SNX1: variants seen among roughly 807,000 people sequenced by gnomAD.
SNX1 encodes sorting nexin-1.
A neutral mutation model predicts 71.8 loss-of-function variants in SNX1; 36 were observed. The ratio of observed to expected loss-of-function variants is 0.50; its 90% CI spans 0.38 to 0.66. The LOEUF (loss-of-function observed/expected upper bound fraction) is 0.66, where lower values mean the gene tolerates loss of function less well. SNX1 is among the 30% of genes least tolerant of loss of function. SNX1 has a pLI of 0.00. For synonymous variants in SNX1, 254 were observed against 240.7 expected (o/e 1.06, Z -0.51); for missense variants, 612 against 646.7 (o/e 0.95, Z 0.58).
intron 1 of SNX1, among the ~76,000 whole-genome samples, chr15:64,104,163 C>G (rs1297390737): frequency 2.0e-5 from 3 of 151,858 alleles, no homozygotes; most frequent in Non-Finnish European, 4.4e-5. Context: ...AATACATAAA[C>G]TCATTAATTT....
At chr15:64,122,523 A>C (rs1253323984) in intron 4 of SNX1, among the ~76,000 whole-genome samples, 1 of 152,156 alleles carries the variant, frequency 6.6e-6, no homozygotes, top group Non-Finnish European at 1.5e-5. Flanking sequence ...TCTTACTGAA[A>C]CCAAGTTGTA....
chr15:64,111,807 C>T (rs569338258), intron 1 of SNX1, among the ~76,000 whole-genome samples: 7 of 152,276 alleles, frequency 4.6e-5, no homozygotes, highest in South Asian at 2.1e-4. Flanking sequence ...CCATGGCTTT[C>T]GAAGCCACAT....
Position 64,134,712 on chromosome 15 carries a change from C to T in SNX1, c.1270C>T (p.Gln424Ter). 6.2e-7 allele frequency: 1 copy of T among 1,613,364 alleles called. No homozygotes were observed. The highest frequency in any genetic ancestry group is 8.5e-7 in the Non-Finnish European group (1 of 1,179,988). Residue 424 changes from glutamine to a stop codon, truncating the protein, a stop_gained, in exon 12 of 15, where the codon CAA becomes TAA. Transcript: ENST00000559844. LOFTEE classifies it high-confidence loss of function. This position sits in a 1 kb window ranked among gnomAD's most constrained non-coding sequence, Gnocchi z 4.1. Reference protein sequence around the residue: ...MKTWQRWQDAQATLQKKREAE... With the variant: ...MKTWQRWQDA ...GACATGGCAGCGCTGGCAGGATGCC[C>T]AAGCCACACTGCAGAAGAAGCGGGA...
chr15:64,122,926 C>A (rs573334550), intron 4 of SNX1, among the ~76,000 whole-genome samples: 2 of 151,978 alleles, frequency 1.3e-5, no homozygotes, highest in Non-Finnish European at 2.9e-5. Flanking sequence ...CATTAGGCAG[C>A]CAAAGTGTCT....
Position 64,137,852 on chromosome 15 carries a change from G to A in SNX1, c.*234G>A. The A allele has an allele frequency of 7.1e-7, 1 of 1,409,218 alleles. No homozygotes were observed. Among genetic ancestry groups the A allele is most frequent in the South Asian group, 1.7e-5 (1 of 58,846 alleles). 87.3% of individuals were successfully genotyped at this position (1,409,218 alleles called of 1,614,324 possible). On this transcript the variant is annotated 3_prime_UTR_variant, in exon 15 of 15. Transcript: ENST00000559844. ...GCTTTAAGCAAAAGACCTACAATAGGTGGTGGAATTATGGGATGGGGTGGA... is the reference window on the plus strand; with the variant it reads ...GCTTTAAGCAAAAGACCTACAATAGATGGTGGAATTATGGGATGGGGTGGA...
intron 11 of SNX1, among the ~76,000 whole-genome samples, chr15:64,132,974 A>G (rs1377742899): frequency 6.6e-6 from 1 of 152,192 alleles, no homozygotes; most frequent in Non-Finnish European, 1.5e-5. Context: ...GAAGCTTTCT[A>G]TGAGGAGCAT....
intron 1 of SNX1, among the ~76,000 whole-genome samples, chr15:64,103,303 A>G (rs2080983829): frequency 6.6e-6 from 1 of 152,182 alleles, no homozygotes; most frequent in African/African-American, 2.4e-5. Context: ...TGGCTGTGCT[A>G]CTTCACATTC....
chr15:64,137,128 G>A (rs2081367445), intron 14 of SNX1, among the ~76,000 whole-genome samples, 196 bp downstream of exon 14: 1 of 152,198 alleles, frequency 6.6e-6, no homozygotes, highest in Non-Finnish European at 1.5e-5. Flanking sequence ...GGAGGGCCCA[G>A]GTCTGCTGCC....
chr15:64,133,267 TCTAA>T (rs1417209890), intron 11 of SNX1, among the ~76,000 whole-genome samples: 3 of 152,166 alleles, frequency 2.0e-5, no homozygotes, highest in African/African-American at 7.2e-5. Context: ...TGGGCTTGAG[TCTAA>T]CTAACTCAGA....
intron 1 of SNX1, among the ~76,000 whole-genome samples, chr15:64,099,071 T>C (rs556006470): frequency 7.9e-5 from 12 of 152,310 alleles, no homozygotes; most frequent in South Asian, 2.1e-4. Flanking sequence ...CATGCTTTAG[T>C]TGTGAGCCAA....
rs1435303891 is a variant in SNX1, at chr15:64,144,220, A to G, written c.*6602A>G. 6.6e-6 allele frequency: 1 copy of G among 152,230 alleles called. No individual in the cohort carries two copies. The highest frequency in any genetic ancestry group is 1.9e-4 in the East Asian group (1 of 5,204). 9.4% of individuals were successfully genotyped at this position (152,230 alleles called of 1,614,324 possible). On this transcript the variant is annotated 3_prime_UTR_variant, in exon 15 of 15. Transcript: ENST00000559844. This position sits in a 1 kb window ranked among gnomAD's most constrained non-coding sequence, Gnocchi z 4.3. Reference sequence around the variant, plus strand: ...AGAAAAATCAAATAAAGCTATTTTCATTATGGGAAAACAATCCAGTGCATC... The same window carrying G: ...AGAAAAATCAAATAAAGCTATTTTCGTTATGGGAAAACAATCCAGTGCATC...
Position 64,129,340 on chromosome 15 carries a change from C to G in SNX1, c.808-576C>G, listed in dbSNP as rs1052403871. 6.6e-6 allele frequency among the ~76,000 whole-genome samples: 1 copy of G among 151,966 alleles called. No homozygotes were observed. Among genetic ancestry groups the G allele is most frequent in the Non-Finnish European group, 1.5e-5 (1 of 68,022 alleles). On this transcript the variant is annotated intron_variant, in intron 8 of 14. Coordinates refer to ENST00000559844, the MANE Select transcript of SNX1 (RefSeq NM_003099.5). This position sits in a 1 kb window ranked among gnomAD's most constrained non-coding sequence, Gnocchi z 4.4. ...GCTGTATATGCTATAGATTTTTCAG[C>G]GTCCTTTCCATGCCCTAGGAGAGTA...
At chr15:64,110,297 G>A (rs1290705795) in intron 1 of SNX1, among the ~76,000 whole-genome samples, 2 of 152,154 alleles carry the variant, frequency 1.3e-5, no homozygotes, top group Non-Finnish European at 2.9e-5. Flanking sequence ...TGTGATTTTT[G>A]GGATGGAGTC....
chr15:64,112,507 C>A, intron 1 of SNX1, 66 bp from the exon 2 acceptor site: 1 of 1,091,112 alleles, frequency 9.2e-7, no homozygotes, highest in Non-Finnish European at 1.3e-6. Flanking sequence ...TTAAAAGTTG[C>A]TTTCTAGGCA....
intron 1 of SNX1, among the ~76,000 whole-genome samples, chr15:64,099,967 A>G (rs1192251159): frequency 6.6e-6 from 1 of 152,146 alleles, no homozygotes; most frequent in Non-Finnish European, 1.5e-5. Context: ...CTGCCTTGGT[A>G]TCCCAAAGTG....
intron 10 of SNX1, among the ~76,000 whole-genome samples, chr15:64,130,968 A>G (rs1431156391): frequency 7.2e-6 from 1 of 138,746 alleles, no homozygotes; most frequent in Admixed American, 6.9e-5. Flanking sequence ...GTAGCAGACT[A>G]TGTGTAGCCT....
intron 10 of SNX1, among the ~76,000 whole-genome samples, chr15:64,130,991 A>C (rs1009930928): frequency 2.6e-5 from 4 of 152,230 alleles, no homozygotes; most frequent in Admixed American, 6.5e-5. Flanking sequence ...AAAATCTAAA[A>C]AATTTATTAT....
intron 6 of SNX1, among the ~76,000 whole-genome samples, chr15:64,126,795 G>C (rs1595998569): frequency 1.3e-5 from 2 of 152,144 alleles, no homozygotes; most frequent in Admixed American, 1.3e-4. Flanking sequence ...GGCCAGGATG[G>C]TCTTGATCTC....
intron 11 of SNX1, among the ~76,000 whole-genome samples, 176 bp downstream of exon 11, chr15:64,132,068 T>C (rs920810641): frequency 2.0e-5 from 3 of 152,224 alleles, no homozygotes; most frequent in Admixed American, 6.5e-5. Context: ...GTTAGCTAGT[T>C]ATCACTGAAT....
Sources: allele counts gnomAD v4.1 joint callset (sites outside exome capture counted in the v4.1 genomes callset), GRCh38; gene constraint gnomAD v4.1.1; non-coding constraint Gnocchi (gnomAD v3.1); transcripts MANE v1.5; gene names NCBI Gene and HGNC (gene_info 2026-07-23, HGNC 2026-07-21).